Variants in MARF1 observed in about 807,000 individuals in gnomAD.
MARF1 encodes the protein meiosis regulator and mRNA stability factor 1.
In MARF1, 24 loss-of-function variants were observed where a neutral mutation model predicts 168.2. That is an observed-to-expected ratio of 0.14 (90% confidence interval 0.10 to 0.20). MARF1 has a LOEUF of 0.20. Among genes scored for constraint, MARF1 ranks in the 10% least tolerant of loss-of-function variants. The pLI, the probability that MARF1 is intolerant of heterozygous loss-of-function variation, is 1.00. For synonymous variants in MARF1, 868 were observed against 822.4 expected, an observed-to-expected ratio of 1.06 and a Z score of -0.95; for missense variants, 1,744 against 2,143.6, an observed-to-expected ratio of 0.81 and a Z score of 3.68.
chr16:15,597,034 GTAA>G, intron 26 of MARF1, 97 bp from the exon 27 acceptor site: 1 of 1,354,648 alleles, frequency 7.4e-7, no homozygotes, highest in Non-Finnish European at 9.9e-7. Context: ...GATAATAATA[GTAA>G]TAAAAAGCTT....
At chr16:15,599,164 A>AG in intron 25 of MARF1, 140 bp from the exon 26 acceptor site, 1 of 794,360 alleles carries the variant, frequency 1.3e-6, no homozygotes, top group East Asian at 2.8e-5. Flanking sequence ...TAAAAAAAAA[A>AG]AAAAAAAAAA....
In MARF1 at chr16:15,602,135, C is replaced by T. The variant is rs1403432222; in HGVS notation, c.4482G>A (p.Val1494=). The change falls in exon 23 of 27, where the codon GTG becomes GTA. Residue 1494 remains valine (V), a synonymous_variant. Coordinates refer to ENST00000396368, the MANE Select transcript of MARF1 (RefSeq NM_014647.4). ...LTSLYLFAKN[V]RSLLHTYHYQ... ...AGTGGTAAGTATGAAGTAAAGACCG[C>T]ACATTCTTTGCAAACAAATACAGAC... 6 of 1,614,144 alleles carry T rather than the reference C, an allele frequency of 3.7e-6. No individual in the cohort carries two copies. Among genetic ancestry groups the T allele is most frequent in the Non-Finnish European group, 5.1e-6 (6 of 1,179,988 alleles).
At chr16:15,609,756 C>A (rs1343712758) in intron 19 of MARF1, 31 bp from the exon 20 acceptor site, 2 of 1,580,906 alleles carry the variant, frequency 1.3e-6, no homozygotes, top group Non-Finnish European at 1.7e-6. Flanking sequence ...CATAAAATCA[C>A]AGTTTTTTTC....
At chr16:15,619,900 A>C (rs2034329178) in intron 13 of MARF1, among the ~76,000 whole-genome samples, 1 of 152,226 alleles carries the variant, frequency 6.6e-6, no homozygotes, top group African/African-American at 2.4e-5. Context: ...GCAGTGGCTC[A>C]CACCTGTAAT....
In MARF1 at chr16:15,625,557, A is replaced by C; in HGVS notation, c.1768T>G (p.Cys590Gly). 1 of 1,614,194 alleles carries C rather than the reference A, an allele frequency of 6.2e-7. No homozygotes were observed. The highest frequency in any genetic ancestry group is 2.2e-5 in the East Asian group (1 of 44,884). ...VSFTPKNREL[C>G]ETKSSNAIAD... is the part of the protein sequence containing the mutation. Reference sequence around the variant, plus strand: ...ATTGCATTTGAACTCTTTGTTTCACAGAGTTCTCTATTTTTTGGAGTAAAT... The same window carrying C: ...ATTGCATTTGAACTCTTTGTTTCACCGAGTTCTCTATTTTTTGGAGTAAAT... Residue 590 changes from cysteine (C) to glycine (G), a missense_variant, in exon 8 of 27, where the codon TGT becomes GGT. Transcript: ENST00000396368.
At chr16:15,629,864 T>C (rs1022366962) in intron 7 of MARF1, among the ~76,000 whole-genome samples, 2 of 152,094 alleles carry the variant, frequency 1.3e-5, no homozygotes, top group South Asian at 2.1e-4. Context: ...GAATGCACAA[T>C]AGAAAGCACA....
chr16:15,629,562 T>C (rs941221399), intron 7 of MARF1, among the ~76,000 whole-genome samples: 2 of 152,236 alleles, frequency 1.3e-5, no homozygotes, highest in South Asian at 2.1e-4. Flanking sequence ...CTCTCAGTTA[T>C]TAAATTATAT....
In MARF1 at chr16:15,625,134, T is replaced by C; in HGVS notation, c.1993A>G (p.Ser665Gly). The change falls in exon 9 of 27, where the codon AGT becomes GGT. Residue 665 changes from serine (S) to glycine (G), a missense_variant. Ser to Gly is a moderately conservative substitution (Grantham distance 56). Transcript: ENST00000396368. ...CTCAGGTGACCTTGCTGGTGCTCAC[T>C]GTTTCTATGACCAGTTTTTGACTCC... ...RMESKTGHRNSEHQQGHLRLV... is the reference protein window; with the variant it reads ...RMESKTGHRNGEHQQGHLRLV... The C allele has an allele frequency of 6.2e-7, 1 of 1,614,164 alleles. No individual in the cohort carries two copies. The highest frequency in any genetic ancestry group is 8.5e-7 in the Non-Finnish European group (1 of 1,180,036).
At chr16:15,615,187 C>T (rs1487919057) in intron 16 of MARF1, among the ~76,000 whole-genome samples, 1 of 152,136 alleles carries the variant, frequency 6.6e-6, no homozygotes, top group Non-Finnish European at 1.5e-5. Context: ...AAATTTTTTA[C>T]ATAGCTTATG....
intron 13 of MARF1, among the ~76,000 whole-genome samples, chr16:15,619,108 A>G (rs1256965887): frequency 6.6e-6 from 1 of 152,164 alleles, no homozygotes; most frequent in Non-Finnish European, 1.5e-5. Context: ...AAACCCCCTC[A>G]TTACAAAAAT....
chr16:15,618,913 C>T (rs1406743127), intron 13 of MARF1, among the ~76,000 whole-genome samples: 1 of 152,196 alleles, frequency 6.6e-6, no homozygotes, highest in Non-Finnish European at 1.5e-5. Context: ...CAACCATCAT[C>T]CCAGTCATGC....
chr16:15,596,535 T>G lies in MARF1; in HGVS notation c.*158A>C, dbSNP rs1232013085. On this transcript the variant is annotated 3_prime_UTR_variant, in exon 27 of 27. Coordinates refer to ENST00000396368, the MANE Select transcript of MARF1 (RefSeq NM_014647.4). Reference sequence around the variant, plus strand: ...AGAAAGACTTCAGCTCAAAGCTGTGTTCAATGGAAAAGAAAAACATGATAG... The same window carrying G: ...AGAAAGACTTCAGCTCAAAGCTGTGGTCAATGGAAAAGAAAAACATGATAG... 1.6e-6 allele frequency: 1 copy of G among 606,836 alleles called. No individual in the cohort carries two copies. Among genetic ancestry groups the G allele is most frequent in the African/African-American group, 1.9e-5 (1 of 52,824 alleles). The allele number at this position is 606,836 out of a possible 1,614,324, so 37.6% of individuals were successfully genotyped here.
intron 7 of MARF1, among the ~76,000 whole-genome samples, chr16:15,627,732 A>C (rs937233159): frequency 6.6e-6 from 1 of 152,254 alleles, no homozygotes; most frequent in African/African-American, 2.4e-5. Flanking sequence ...CACTAACAAC[A>C]GGCAAAGGAT....
chr16:15,603,462 C>T (rs1016301105), intron 22 of MARF1, among the ~76,000 whole-genome samples: 1 of 152,028 alleles, frequency 6.6e-6, no homozygotes, highest in Non-Finnish European at 1.5e-5. Flanking sequence ...ACGTGTACCA[C>T]CTTGCCGGGC....
At chr16:15,614,986 G>A (rs2033927386) in intron 16 of MARF1, among the ~76,000 whole-genome samples, 1 of 152,184 alleles carries the variant, frequency 6.6e-6, no homozygotes, top group South Asian at 2.1e-4. Context: ...TCACCATGTT[G>A]GCCAGGCTGG....
At chr16:15,597,408 T>C (rs2031839574) in intron 26 of MARF1, among the ~76,000 whole-genome samples, 2 of 152,162 alleles carry the variant, frequency 1.3e-5, no homozygotes, top group South Asian at 2.1e-4. Flanking sequence ...ATGGGTCTAT[T>C]ACCGGGGATA....
chr16:15,639,515 C>G (rs2035813823), intron 1 of MARF1, among the ~76,000 whole-genome samples: 1 of 152,150 alleles, frequency 6.6e-6, no homozygotes. Flanking sequence ...ATTTTTCTGC[C>G]TCAGCCTCCA....
At chr16:15,604,025 T>TG in intron 22 of MARF1, 143 bp downstream of exon 22, 1 of 661,974 alleles carries the variant, frequency 1.5e-6, no homozygotes, top group South Asian at 1.9e-5. Flanking sequence ...CTTCACTGCC[T>TG]GAGGTCTCGG....
At position 15,613,684 on chromosome 16, in the gene MARF1, T is replaced by TAAATAAATAAATAAATAAATAAAATA. The variant is rs1555524005; in HGVS notation, c.3254-908_3254-907insTATTTTATTTATTTATTTATTTATTT. On this transcript the variant is annotated intron_variant, in intron 16 of 26. Transcript: ENST00000396368. ...CTCAATAAATAAATAAATAAATAAA[T>TAAATAAATAAATAAATAAATAAAATA]AAATAAAATAAAATAAAATAAAATA... 4.7e-4 allele frequency among the ~76,000 whole-genome samples: 69 copies of TAAATAAATAAATAAATAAATAAAATA among 146,296 alleles called. 1 individual carries two copies. The highest frequency in any genetic ancestry group is 1.7e-3 in the South Asian group (8 of 4,620).
Sources: allele counts gnomAD v4.1 joint callset (sites outside exome capture counted in the v4.1 genomes callset), GRCh38; gene constraint gnomAD v4.1.1; transcripts MANE v1.5; gene names NCBI Gene and HGNC (gene_info 2026-07-23, HGNC 2026-07-21).